Variants in NECAB2 observed in about 807,000 individuals in gnomAD.
NECAB2 encodes N-terminal EF-hand calcium-binding protein 2.
Under a neutral mutation model 51.9 loss-of-function variants are expected in NECAB2, and 68 were observed. That is an observed-to-expected ratio of 1.31 (90% CI 1.08 to 1.60). The LOEUF is 1.60. Ranked by LOEUF, NECAB2 falls within the 40% of genes most tolerant of loss-of-function variation. The probability of loss-of-function intolerance (pLI) is 0.00; values close to 1 mark genes in which losing one functional copy is unlikely to be tolerated. For missense variants in NECAB2, 854 were observed against 490.3 expected (o/e 1.74, Z -7.00); for synonymous variants, 329 against 203.5 (o/e 1.62, Z -5.25).
intron 8 of NECAB2, among the ~76,000 whole-genome samples, chr16:83,996,116 T>C (rs1192729903): frequency 6.6e-6 from 1 of 152,194 alleles, no homozygotes; most frequent in African/African-American, 2.4e-5. Flanking sequence ...GAGCTGCCTC[T>C]GGGCTGGAAG....
intron 6 of NECAB2, among the ~76,000 whole-genome samples, chr16:83,992,270 C>G (rs2084635433): frequency 6.6e-6 from 1 of 151,866 alleles, no homozygotes; most frequent in Admixed American, 6.6e-5. Context: ...CATCTGGGGT[C>G]CCATCCTAGG....
intron 10 of NECAB2, among the ~76,000 whole-genome samples, chr16:83,999,917 A>T (rs1263587112): frequency 6.6e-6 from 1 of 152,106 alleles, no homozygotes; most frequent in Non-Finnish European, 1.5e-5. Context: ...ATCTTGCTTT[A>T]TTGTCCAGGC....
intron 2 of NECAB2, among the ~76,000 whole-genome samples, chr16:83,976,799 A>C (rs958458541): frequency 1.3e-5 from 2 of 152,192 alleles, no homozygotes; most frequent in Non-Finnish European, 2.9e-5. Context: ...TTAAAGAGAA[A>C]AGTGGTGGCA....
At chr16:84,000,824 C>CAGGTGA (rs964033561) in intron 11 of NECAB2, 23 bp downstream of exon 11, 3 of 1,608,956 alleles carry the variant, frequency 1.9e-6, no homozygotes, top group Non-Finnish European at 1.7e-6. Context: ...GTCCCCACAG[C>CAGGTGA]AGGTGAGGGA....
intron 8 of NECAB2, among the ~76,000 whole-genome samples, chr16:83,995,982 A>G (rs1271586372): frequency 2.0e-5 from 3 of 152,192 alleles, no homozygotes. Context: ...GTAACCACGG[A>G]GTACCTGGGC....
chr16:83,997,327 CA>C, intron 9 of NECAB2, 58 bp downstream of exon 9: 1 of 1,606,674 alleles, frequency 6.2e-7, no homozygotes, highest in Non-Finnish European at 8.5e-7. Flanking sequence ...CCAGGACTGC[CA>C]AGATCCAAGT....
At chr16:83,973,640 C>T (rs373697008) in intron 2 of NECAB2, among the ~76,000 whole-genome samples, 41 of 152,172 alleles carry the variant, frequency 2.7e-4, no homozygotes, top group African/African-American at 8.7e-4. Flanking sequence ...GAGCCCTCAG[C>T]GTCATTGCCT....
rs766012752 is a variant in NECAB2 at position 83,990,596 on chromosome 16, G to C, written c.562G>C (p.Val188Leu). Residue 188 changes from valine (V) to leucine (L), a missense_variant, in exon 6 of 13, where the codon GTG (valine) becomes CTG (leucine). By Grantham distance (32) the Val-to-Leu change is conservative. Coordinates refer to ENST00000305202, the MANE Select transcript of NECAB2 (RefSeq NM_019065.3). ...GCTGCTGAGCTCAGTGGAGAGTGCGGTGGAGGCCATCGAGGAACAGACCAG... is the reference window on the plus strand; with the variant it reads ...GCTGCTGAGCTCAGTGGAGAGTGCGCTGGAGGCCATCGAGGAACAGACCAG... ...QSLLSSVESA[V>L]EAIEEQTSQL... 1 of 1,614,166 alleles carries C rather than the reference G, an allele frequency of 6.2e-7. No individual in the cohort carries two copies. The highest frequency in any genetic ancestry group is 8.5e-7 in the Non-Finnish European group (1 of 1,180,042).
chr16:83,994,778 T>C (rs1282576128), intron 8 of NECAB2, 90 bp downstream of exon 8: 1 of 1,417,930 alleles, frequency 7.1e-7, no homozygotes, highest in East Asian at 2.4e-5. Context: ...AAGTCTGGGC[T>C]GCAGAGGGGC....
At chr16:83,974,658 T>C (rs1187100035) in intron 2 of NECAB2, among the ~76,000 whole-genome samples, 1 of 152,174 alleles carries the variant, frequency 6.6e-6, no homozygotes, top group East Asian at 1.9e-4. Context: ...AGATGGCACG[T>C]GATATTCTTC....
At chr16:83,998,125 G>T in intron 9 of NECAB2, 80 bp from the exon 10 acceptor site, 2 of 1,237,298 alleles carry the variant, frequency 1.6e-6, no homozygotes, top group Non-Finnish European at 2.3e-6. Flanking sequence ...CCGAGGAAGG[G>T]AGGTCATGGG....
At chr16:83,980,727 G>C in intron 3 of NECAB2, 112 bp from the exon 4 acceptor site, 1 of 1,398,142 alleles carries the variant, frequency 7.2e-7, no homozygotes. Flanking sequence ...TGTGGGGCCA[G>C]CACACAGGCT....
intron 9 of NECAB2, 38 bp downstream of exon 9, chr16:83,997,307 C>G (rs1212600327): frequency 3.1e-6 from 5 of 1,612,966 alleles, no homozygotes; most frequent in Middle Eastern, 1.6e-4. Flanking sequence ...GGACCACATC[C>G]CTACCCATGC....
intron 8 of NECAB2, among the ~76,000 whole-genome samples, chr16:83,995,919 A>C (rs906512014): frequency 6.6e-6 from 1 of 152,098 alleles, no homozygotes. Flanking sequence ...CTCGGGAGGG[A>C]GACTCTGAAG....
Position 83,978,498 on chromosome 16 carries a change from T to G in NECAB2, c.281T>G (p.Leu94Arg). 1 of 1,614,026 alleles carries G rather than the reference T, an allele frequency of 6.2e-7. No individual in the cohort carries two copies. Among genetic ancestry groups the G allele is most frequent in the Non-Finnish European group, 8.5e-7 (1 of 1,179,996 alleles). ...CAGCTCTTCTTTGCAGATGGCGTCC[T>G]TAATGAGAAAGAACTGGAGGATCTC... ...EFQLFFADGV[L>R]NEKELEDLFH... The change falls in exon 3 of 13, where the codon CTT becomes CGT. Residue 94 changes from leucine to arginine, a missense_variant. Physicochemically the swap from Leu to Arg is moderately radical, Grantham distance 102. Coordinates refer to ENST00000305202, the MANE Select transcript of NECAB2 (RefSeq NM_019065.3).
chr16:83,981,058 T>C lies in NECAB2; in HGVS notation c.390T>C (p.Tyr130=), dbSNP rs767916511. 1 of 1,614,148 alleles carries C rather than the reference T, an allele frequency of 6.2e-7. No homozygotes were observed. Among genetic ancestry groups the C allele is most frequent in the Non-Finnish European group, 8.5e-7 (1 of 1,180,016 alleles). Residue 130 remains tyrosine, a synonymous_variant, in exon 5 of 13, where the codon TAT becomes TAC. Coordinates refer to ENST00000305202, the MANE Select transcript of NECAB2 (RefSeq NM_019065.3). ...CDYFVDHMGD[Y]EDVLASLETL... ...ACTTTGTGGACCACATGGGTGACTATGAGGATGTCCTGGCCTCCCTGGAGA... is the reference window on the plus strand; with the variant it reads ...ACTTTGTGGACCACATGGGTGACTACGAGGATGTCCTGGCCTCCCTGGAGA...
intron 9 of NECAB2, among the ~76,000 whole-genome samples, 155 bp downstream of exon 9, chr16:83,997,424 C>G (rs1339527475): frequency 1.3e-5 from 2 of 150,848 alleles, no homozygotes; most frequent in Non-Finnish European, 3.0e-5. Flanking sequence ...AGACCCTGCC[C>G]TGGCACAGGA....
chr16:83,968,419 G>T lies in NECAB2; in HGVS notation c.-230G>T, dbSNP rs1473592294. Among the ~76,000 whole-genome samples, 5 of 148,462 alleles carry T rather than the reference G, an allele frequency of 3.4e-5. No homozygotes were observed. The highest frequency in any genetic ancestry group is 6.0e-5 in the Non-Finnish European group (4 of 66,872). ...CCTCGCCCCGGCGGGCAGTCCTCAGGCCCCGCGCCCGGCCGGCGGGGGTGG... is the reference window on the plus strand; with the variant it reads ...CCTCGCCCCGGCGGGCAGTCCTCAGTCCCCGCGCCCGGCCGGCGGGGGTGG... On this transcript the variant is annotated 5_prime_UTR_variant, in exon 1 of 13. Transcript: ENST00000305202.
intron 5 of NECAB2, among the ~76,000 whole-genome samples, chr16:83,988,539 C>T (rs77202327): frequency 0.015 from 2,358 of 152,218 alleles, 24 homozygotes; most frequent in Non-Finnish European, 0.023. Flanking sequence ...GTTTTTATTT[C>T]CTAACCTCTG....
Sources: gnomAD v4.1 joint callset for allele counts (sites outside exome capture counted in the v4.1 genomes callset) on GRCh38, gnomAD v4.1.1 for gene constraint, MANE v1.5 for transcripts, NCBI Gene and HGNC (gene_info 2026-07-23, HGNC 2026-07-21) for gene names.